The following RBFOX1 variants were observed in gnomAD, a reference collection of about 807,000 sequenced individuals.
RBFOX1 encodes the protein RNA binding protein fox-1 homolog 1.
Under a neutral mutation model 57.7 loss-of-function variants are expected in RBFOX1, and 8 were observed. That is an observed-to-expected ratio of 0.14 (90% CI 0.08 to 0.25). The LOEUF (loss-of-function observed/expected upper bound fraction) is 0.25. Among genes scored for constraint, RBFOX1 ranks in the 10% least tolerant of loss-of-function variants. The pLI, the probability that RBFOX1 is intolerant of heterozygous loss-of-function variation, is 1.00. For synonymous variants in RBFOX1, 326 were observed against 222.4 expected (o/e 1.47, Z -4.15); for missense variants, 611 against 548.5 (o/e 1.11, Z -1.14).
chr16:6,545,142 C>A (rs75873772), intron 2 of RBFOX1, among the ~76,000 whole-genome samples: 1 of 152,124 alleles, frequency 6.6e-6, no homozygotes, highest in Non-Finnish European at 1.5e-5. Flanking sequence ...TTTTCCCTAG[C>A]GCCATTTTTG....
intron 2 of RBFOX1, among the ~76,000 whole-genome samples, chr16:5,528,306 C>A (rs2044323203): frequency 6.6e-6 from 1 of 152,072 alleles, no homozygotes; most frequent in Non-Finnish European, 1.5e-5. Context: ...CTGGCCCCCA[C>A]CCTAGAGAGC....
intron 1 of RBFOX1, among the ~76,000 whole-genome samples, chr16:6,254,250 A>C (rs905006207): frequency 1.3e-5 from 2 of 152,306 alleles, no homozygotes; most frequent in East Asian, 3.9e-4. Flanking sequence ...GATCCATGTG[A>C]ACTAAACAGA....
chr16:7,502,492 T>G (rs72773053), intron 4 of RBFOX1, among the ~76,000 whole-genome samples: 4,662 of 152,306 alleles, frequency 0.031, 84 homozygotes, highest in Non-Finnish European at 0.044. Flanking sequence ...TTGGGTTGTT[T>G]AGACTATGTT....
intron 4 of RBFOX1, among the ~76,000 whole-genome samples, chr16:7,465,324 G>T (rs1479344720): frequency 6.6e-6 from 1 of 152,164 alleles, no homozygotes; most frequent in Non-Finnish European, 1.5e-5. Context: ...TCTCGTGTTG[G>T]GTGGGATCCT....
chr16:7,709,594 CT>C (rs2083588328), intron 15 of RBFOX1: 5 of 1,531,386 alleles, frequency 3.3e-6, no homozygotes, highest in Non-Finnish European at 3.5e-6. Context: ...CTCTCCTCCC[CT>C]ATTACAATTC....
At chr16:6,321,011 C>G (rs2081719236) in intron 2 of RBFOX1, among the ~76,000 whole-genome samples, 1 of 152,176 alleles carries the variant, frequency 6.6e-6, no homozygotes, top group Admixed American at 6.5e-5. Context: ...CCAGGCTAGT[C>G]TCGAACTCCT....
intron 3 of RBFOX1, among the ~76,000 whole-genome samples, chr16:5,830,529 G>C (rs1453033853): frequency 1.5e-4 from 23 of 152,114 alleles, no homozygotes; most frequent in Non-Finnish European, 1.0e-4. Context: ...CGGGAGAAAG[G>C]GGTTCACGTC....
At chr16:7,359,239 A>G (rs1192622596) in intron 4 of RBFOX1, among the ~76,000 whole-genome samples, 1 of 152,214 alleles carries the variant, frequency 6.6e-6, no homozygotes, top group African/African-American at 2.4e-5. Flanking sequence ...AGGGACGATT[A>G]TGAGAAGGAA....
At chr16:6,188,096 C>T (rs967856642) in intron 1 of RBFOX1, among the ~76,000 whole-genome samples, 1 of 152,192 alleles carries the variant, frequency 6.6e-6, no homozygotes, top group East Asian at 1.9e-4. Flanking sequence ...TCCACGTATA[C>T]AAAAAGTTTT....
chr16:5,564,038 G>C (rs980503254), intron 2 of RBFOX1, among the ~76,000 whole-genome samples: 1 of 152,016 alleles, frequency 6.6e-6, no homozygotes, highest in Non-Finnish European at 1.5e-5. Context: ...TTTTTAGACT[G>C]AGTCTTGCTC....
At chr16:5,702,049 C>G (rs139491567) in intron 3 of RBFOX1, among the ~76,000 whole-genome samples, 59 of 152,214 alleles carry the variant, frequency 3.9e-4, no homozygotes, top group African/African-American at 1.3e-3. Flanking sequence ...AGAAATCTAG[C>G]CATAAGTAGC....
chr16:5,732,002 G>A (rs1239555151), intron 3 of RBFOX1, among the ~76,000 whole-genome samples: 1 of 152,150 alleles, frequency 6.6e-6, no homozygotes, highest in Non-Finnish European at 1.5e-5. Context: ...TCAGTGAGCT[G>A]GGCATCCCCT....
chr16:6,719,876 T>G (rs2065620775), intron 3 of RBFOX1, among the ~76,000 whole-genome samples: 1 of 151,956 alleles, frequency 6.6e-6, no homozygotes, highest in Non-Finnish European at 1.5e-5. Context: ...GCGGATCACC[T>G]GAGGTCAGGA....
chr16:7,104,485 A>G (rs1007275585), intron 4 of RBFOX1, among the ~76,000 whole-genome samples: 3 of 152,182 alleles, frequency 2.0e-5, no homozygotes, highest in Non-Finnish European at 2.9e-5. Context: ...GTAAAATTTA[A>G]AAACATAATC....
chr16:6,244,754 T>G (rs1439790544), intron 1 of RBFOX1, among the ~76,000 whole-genome samples: 1 of 152,130 alleles, frequency 6.6e-6, no homozygotes, highest in African/African-American at 2.4e-5. Context: ...GTGATCCACC[T>G]TCCTTGACCT....
chr16:6,576,742 A>T (rs2097444125), intron 2 of RBFOX1, among the ~76,000 whole-genome samples: 1 of 152,186 alleles, frequency 6.6e-6, no homozygotes, highest in African/African-American at 2.4e-5. Flanking sequence ...TTTTACTGCA[A>T]CGTTAGGGAT....
intron 2 of RBFOX1, among the ~76,000 whole-genome samples, chr16:6,400,550 T>C (rs1185983066): frequency 6.6e-6 from 1 of 151,330 alleles, no homozygotes; most frequent in Non-Finnish European, 1.5e-5. Context: ...AAAAGAAAAT[T>C]ATACCCAATA....
At chr16:7,158,188 A>G (rs2077532650) in intron 4 of RBFOX1, among the ~76,000 whole-genome samples, 1 of 152,108 alleles carries the variant, frequency 6.6e-6, no homozygotes, top group Non-Finnish European at 1.5e-5. Context: ...CTCTATAAAA[A>G]TACAAAAATT....
At chr16:7,298,557 G>A (rs1399283438) in intron 4 of RBFOX1, among the ~76,000 whole-genome samples, 1 of 152,098 alleles carries the variant, frequency 6.6e-6, no homozygotes, top group Non-Finnish European at 1.5e-5. Context: ...CTCCCAAAGT[G>A]CCGGGATTAC....
Sources: gnomAD v4.1 joint callset for allele counts (sites outside exome capture counted in the v4.1 genomes callset) on GRCh38, gnomAD v4.1.1 for gene constraint, MANE v1.5 for transcripts, NCBI Gene and HGNC (gene_info 2026-07-23, HGNC 2026-07-21) for gene names.